Variants in SLC22A25 observed in about 807,000 individuals in gnomAD.
SLC22A25 encodes solute carrier family 22 member 25, also known as MGI:2442751, MGI:2385316, MGI:3042283, MGI:3645714, MGI:3605624, MGI:2442750.
A neutral mutation model predicts 45.9 loss-of-function variants in SLC22A25; 44 were observed. The observed-to-expected ratio is 0.96, with a 90% CI of 0.75 to 1.23. The LOEUF is 1.23. Among genes scored for constraint, SLC22A25 ranks in the 50% most tolerant of loss-of-function variants. SLC22A25 has a pLI of 0.00. For missense variants in SLC22A25, 800 were observed against 666.4 expected (o/e 1.20, Z -2.21); for synonymous variants, 283 against 238.6 (o/e 1.19, Z -1.72).
intron 7 of SLC22A25, among the ~76,000 whole-genome samples, chr11:63,212,080 C>T (rs1464555684): frequency 6.6e-6 from 1 of 152,178 alleles, no homozygotes; most frequent in African/African-American, 2.4e-5. Flanking sequence ...CTCATCATCA[C>T]TGGCCATCAG....
chr11:63,189,849 C>T (rs1174517502), intron 7 of SLC22A25, among the ~76,000 whole-genome samples: 1 of 152,172 alleles, frequency 6.6e-6, no homozygotes, highest in African/African-American at 2.4e-5. Flanking sequence ...AAATTCTTTT[C>T]TTTAAGAACG....
At chr11:63,207,960 G>C (rs1336167613) in intron 7 of SLC22A25, among the ~76,000 whole-genome samples, 1 of 152,070 alleles carries the variant, frequency 6.6e-6, no homozygotes, top group African/African-American at 2.4e-5. Context: ...TCTTTGTTCA[G>C]GGCTCAGTCC....
intron 7 of SLC22A25, among the ~76,000 whole-genome samples, chr11:63,202,566 G>A (rs1424518211): frequency 1.3e-5 from 2 of 152,196 alleles, no homozygotes; most frequent in Non-Finnish European, 2.9e-5. Flanking sequence ...GCCCACCACG[G>A]CTCAGTGCCT....
intron 7 of SLC22A25, among the ~76,000 whole-genome samples, chr11:63,197,203 A>G (rs957994902): frequency 1.3e-4 from 20 of 152,182 alleles, no homozygotes; most frequent in African/African-American, 4.6e-4. Context: ...TAGATTCAAT[A>G]CCATCCCCAT....
chr11:63,190,546 C>T (rs568506999), intron 7 of SLC22A25, among the ~76,000 whole-genome samples: 2 of 152,138 alleles, frequency 1.3e-5, no homozygotes, highest in Non-Finnish European at 2.9e-5. Flanking sequence ...TCTCTCAGCT[C>T]GTCAAAGTCA....
At chr11:63,165,785 G>A (rs1320734332) in intron 10 of SLC22A25, among the ~76,000 whole-genome samples, 1 of 152,166 alleles carries the variant, frequency 6.6e-6, no homozygotes, top group Non-Finnish European at 1.5e-5. Context: ...AAACTATCAG[G>A]AATAAATGGC....
In SLC22A25 at chr11:63,161,744, T is replaced by C. The variant is rs572692646; in HGVS notation, c.*2080A>G. Among the ~76,000 whole-genome samples, 7 of 152,334 alleles carry C rather than the reference T, an allele frequency of 4.6e-5. No individual in the cohort carries two copies. In the South Asian group the frequency reaches 1.5e-3, roughly 32 times the overall value. ...CCTTTGTAAATTATCCAGTCTCAGG[T>C]ATGTTTTTAACAGCAGCTTGAAAAT... On this transcript the variant is annotated 3_prime_UTR_variant, in exon 12 of 12. Coordinates refer to ENST00000306494, the MANE Select transcript of SLC22A25 (RefSeq NM_199352.6).
At position 63,217,510 on chromosome 11, in the gene SLC22A25, C is replaced by G. The variant is rs377461872; in HGVS notation, c.662-28G>C. The G allele has an allele frequency of 1.2e-5, 19 of 1,611,670 alleles. No individual in the cohort carries two copies. In the African/African-American group the frequency reaches 2.3e-4, roughly 19 times the overall value. ...GAAAGAAAACACAAACAAGATTTAGCTTTAAATACAGGTGGAGCTTCAATG... is the reference window on the plus strand; with the variant it reads ...GAAAGAAAACACAAACAAGATTTAGGTTTAAATACAGGTGGAGCTTCAATG... On this transcript the variant is annotated intron_variant, in intron 6 of 11. Coordinates refer to ENST00000306494, the MANE Select transcript of SLC22A25 (RefSeq NM_199352.6).
At position 63,229,378 on chromosome 11, in the gene SLC22A25, A is replaced by G. The variant is rs754069661; in HGVS notation, c.275T>C (p.Val92Ala). The G allele has an allele frequency of 1.2e-6, 2 of 1,614,098 alleles. No individual in the cohort carries two copies. Among genetic ancestry groups the G allele is most frequent in the Non-Finnish European group, 1.7e-6 (2 of 1,179,966 alleles). Reference protein sequence around the residue: ...NLRPEKCRRFVHPQWKLIHLN... With the variant: ...NLRPEKCRRFAHPQWKLIHLN... Reference sequence around the variant, plus strand: ...ATGAATGAGCTTCCACTGGGGATGGACAAAGCGACGACACTTCTCTGGCCT... The same window carrying G: ...ATGAATGAGCTTCCACTGGGGATGGGCAAAGCGACGACACTTCTCTGGCCT... The change falls in exon 4 of 12, where the codon GTC becomes GCC. Residue 92 changes from valine to alanine, a missense_variant. Physicochemically the swap from Val to Ala is moderately conservative, Grantham distance 64 (BLOSUM62 0). Coordinates refer to ENST00000306494, the MANE Select transcript of SLC22A25 (RefSeq NM_199352.6).
intron 7 of SLC22A25, among the ~76,000 whole-genome samples, chr11:63,189,394 T>C (rs1372024809): frequency 6.6e-6 from 1 of 152,198 alleles, no homozygotes; most frequent in Non-Finnish European, 1.5e-5. Flanking sequence ...TTCCATTTGC[T>C]TGGTAGATCT....
intron 10 of SLC22A25, among the ~76,000 whole-genome samples, chr11:63,164,912 G>A (rs2087627669): frequency 6.6e-6 from 1 of 151,850 alleles, no homozygotes; most frequent in Non-Finnish European, 1.5e-5. Context: ...GAACATTAGA[G>A]CTAAAGAGTT....
chr11:63,184,485 G>A (rs1012035099), intron 7 of SLC22A25, among the ~76,000 whole-genome samples: 1 of 152,142 alleles, frequency 6.6e-6, no homozygotes, highest in Non-Finnish European at 1.5e-5. Flanking sequence ...AACTGATTTT[G>A]TTAAGGGAAG....
chr11:63,166,165 G>A lies in SLC22A25; in HGVS notation c.1164C>T (p.Val388=), dbSNP rs981876797. ...VFLLQTLFGA[V]TLLANCVAPW... ...GTGCAACACAATTGGCCAGGAGGGTGACTGCACCAAAGAGAGTCTGCAACA... is the reference window on the plus strand; with the variant it reads ...GTGCAACACAATTGGCCAGGAGGGTAACTGCACCAAAGAGAGTCTGCAACA... Residue 388 remains valine (V), a synonymous_variant, in exon 10 of 12, where the codon GTC becomes GTT. Transcript: ENST00000306494. The A allele has an allele frequency of 1.9e-6, 3 of 1,613,950 alleles. No individual in the cohort carries two copies. Among genetic ancestry groups the A allele is most frequent in the Non-Finnish European group, 2.5e-6 (3 of 1,179,976 alleles).
intron 7 of SLC22A25, among the ~76,000 whole-genome samples, chr11:63,193,377 C>T (rs972433612): frequency 6.6e-6 from 1 of 152,218 alleles, no homozygotes; most frequent in Non-Finnish European, 1.5e-5. Context: ...CTGGGAGACA[C>T]CTCCCAATAG....
chr11:63,167,541 A>C (rs993362535), intron 9 of SLC22A25: 1 of 152,284 alleles, frequency 6.6e-6, no homozygotes, highest in Non-Finnish European at 1.5e-5. Context: ...GTGTTAAGGA[A>C]GCCATTGGGA....
intron 5 of SLC22A25, among the ~76,000 whole-genome samples, chr11:63,220,493 A>T (rs964975592): frequency 2.0e-5 from 3 of 152,258 alleles, no homozygotes; most frequent in Non-Finnish European, 4.4e-5. Context: ...TTTTGTGGGT[A>T]CATAGTAGGT....
chr11:63,220,164 G>A, intron 5 of SLC22A25: 6 of 384,768 alleles, frequency 1.6e-5, no homozygotes, highest in South Asian at 4.3e-5. Context: ...TTTTTGCAAA[G>A]ACAAAAAAAA....
chr11:63,197,775 G>C (rs1042163261), intron 7 of SLC22A25, among the ~76,000 whole-genome samples: 27 of 151,708 alleles, frequency 1.8e-4, no homozygotes, highest in Non-Finnish European at 1.2e-4. Context: ...GCTACCATCA[G>C]AGTGATCAGG....
intron 7 of SLC22A25, among the ~76,000 whole-genome samples, chr11:63,191,418 G>A (rs543742459): frequency 6.6e-6 from 1 of 152,166 alleles, no homozygotes; most frequent in Non-Finnish European, 1.5e-5. Flanking sequence ...GGGTGGGAGT[G>A]ACCCGATTTT....
Sources: allele counts gnomAD v4.1 joint callset (sites outside exome capture counted in the v4.1 genomes callset), GRCh38; gene constraint gnomAD v4.1.1; transcripts MANE v1.5; gene names NCBI Gene and HGNC (gene_info 2026-07-23, HGNC 2026-07-21).